Variants in UBE3D observed in about 807,000 individuals in gnomAD.
UBE3D encodes the protein ubiquitin protein ligase E3D.
A neutral mutation model predicts 49.6 loss-of-function variants in UBE3D; 48 were observed. That is an observed-to-expected ratio of 0.97 (90% CI 0.77 to 1.23). UBE3D has a LOEUF of 1.23. Among genes scored for constraint, UBE3D ranks in the 50% most tolerant of loss-of-function variants. UBE3D has a pLI of 0.00. For synonymous variants in UBE3D, 189 were observed against 174.2 expected (o/e 1.08, Z -0.67); for missense variants, 452 against 468.4 (o/e 0.96, Z 0.32).
intron 9 of UBE3D, among the ~76,000 whole-genome samples, chr6:82,923,741 A>G (rs973844651): frequency 4.6e-5 from 7 of 152,222 alleles, no homozygotes; most frequent in Non-Finnish European, 1.0e-4. Context: ...TAAAAGAGGA[A>G]CATCTGTTAC....
intron 9 of UBE3D, among the ~76,000 whole-genome samples, chr6:82,944,549 T>C (rs1163864040): frequency 6.6e-6 from 1 of 152,212 alleles, no homozygotes; most frequent in Admixed American, 6.5e-5. Flanking sequence ...GTGATGGCTA[T>C]GGTGAGAAAC....
At chr6:83,020,012 G>A (rs1423371336) in intron 7 of UBE3D, among the ~76,000 whole-genome samples, 1 of 152,180 alleles carries the variant, frequency 6.6e-6, no homozygotes, top group East Asian at 1.9e-4. Flanking sequence ...TCAGCAGCTG[G>A]GAATGGGTGC....
intron 8 of UBE3D, among the ~76,000 whole-genome samples, chr6:82,960,531 T>G (rs1562124961): frequency 6.6e-6 from 1 of 151,736 alleles, no homozygotes; most frequent in East Asian, 2.0e-4. Flanking sequence ...TTGTCCTGTT[T>G]CCTTTATAAG....
At chr6:82,938,419 G>A (rs1350470524) in intron 9 of UBE3D, 1 of 152,212 alleles carries the variant, frequency 6.6e-6, no homozygotes, top group East Asian at 1.9e-4. Flanking sequence ...ATCAGGAGAT[G>A]TGGGGATGCC....
intron 8 of UBE3D, among the ~76,000 whole-genome samples, chr6:83,016,464 T>C (rs1341118871): frequency 6.6e-6 from 1 of 152,088 alleles, no homozygotes; most frequent in Non-Finnish European, 1.5e-5. Flanking sequence ...GATGTAATCA[T>C]ATTAAACAGC....
At position 83,053,946 on chromosome 6, in the gene UBE3D, T is replaced by C. The variant is rs527357583; in HGVS notation, c.365+202A>G. 6.6e-5 allele frequency among the ~76,000 whole-genome samples: 10 copies of C among 152,316 alleles called. No homozygotes were observed. In the South Asian group the frequency reaches 2.1e-3, roughly 32 times the overall value. ...TCCTCTCTCAAAGCCAGCATCCTAG[T>C]GCTCCCCTTTATGTCCCTAAGAGCT... On this transcript the variant is annotated intron_variant, in intron 3 of 9. Transcript: ENST00000369747.
intron 2 of UBE3D, among the ~76,000 whole-genome samples, chr6:83,054,997 T>C (rs190456275): frequency 2.6e-5 from 4 of 152,038 alleles, no homozygotes; most frequent in African/African-American, 4.8e-5. Flanking sequence ...CAGTCTAGCA[T>C]ATAACCATAT....
intron 8 of UBE3D, among the ~76,000 whole-genome samples, chr6:83,008,023 C>A (rs948493942): frequency 4.6e-5 from 7 of 152,110 alleles, no homozygotes; most frequent in South Asian, 2.1e-4. Flanking sequence ...GGCCTAAATA[C>A]AATTTCAAGA....
chr6:82,960,643 C>T (rs1328588902), intron 8 of UBE3D, among the ~76,000 whole-genome samples: 1 of 151,520 alleles, frequency 6.6e-6, no homozygotes, highest in Non-Finnish European at 1.5e-5. Flanking sequence ...AAACAAATGC[C>T]TTACTAGTAT....
intron 1 of UBE3D, 72 bp downstream of exon 1, chr6:83,065,570 G>C (rs1784437449): frequency 2.1e-6 from 3 of 1,424,948 alleles, no homozygotes; most frequent in Non-Finnish European, 2.9e-6. Flanking sequence ...TACAGAGAGA[G>C]ACTCACCAGC....
At chr6:83,038,273 T>C (rs1193499546) in intron 5 of UBE3D, 143 bp downstream of exon 5, 1 of 633,222 alleles carries the variant, frequency 1.6e-6, no homozygotes, top group Non-Finnish European at 2.7e-6. Context: ...TTGGATGGTA[T>C]GTTACTTGGG....
chr6:82,892,991 GC>G lies in UBE3D; in HGVS notation c.*30del. On this transcript the variant is annotated 3_prime_UTR_variant, in exon 10 of 10. Transcript: ENST00000369747. ...GTGTGCTCCTGCTTGAGAGCTGTCT[GC>G]CGGGGGAGGAGAATGCCCAGCTCTA... 1 of 1,613,552 alleles carries G rather than the reference GC, an allele frequency of 6.2e-7. No homozygotes were observed.
At chr6:82,881,879 G>T in the UBE3D span, among the ~76,000 whole-genome samples, 5 of 152,122 alleles carry the variant, frequency 3.3e-5, no homozygotes, top group African/African-American at 1.2e-4. Context: ...TCTGTATAAT[G>T]TTCCCACAAA....
At chr6:82,991,371 T>C (rs549177717) in intron 8 of UBE3D, among the ~76,000 whole-genome samples, 14 of 152,260 alleles carry the variant, frequency 9.2e-5, no homozygotes, top group South Asian at 2.1e-4. Context: ...TGGTATTATG[T>C]TTAATCTGCC....
In UBE3D at chr6:83,022,551, C is replaced by A; in HGVS notation, c.748G>T (p.Val250Phe). The change falls in exon 7 of 10, where the codon GTC (valine) becomes TTC (phenylalanine). Residue 250 changes from valine to phenylalanine, a missense_variant. By Grantham distance (50) the Val-to-Phe change is conservative. Transcript: ENST00000369747. ...AGACACTGGGCGATCACGCTCTGGA[C>A]AAACCAAGACCTGTTTGAACAGAAA... is the stretch of plus-strand genomic sequence containing the variant. ...SFPIIPRSWF[V>F]QSVIAQCLVQ... is the part of the protein sequence containing the mutation. The A allele has an allele frequency of 4.4e-6, 7 of 1,587,074 alleles. No homozygotes were observed. Among genetic ancestry groups the A allele is most frequent in the Non-Finnish European group, 6.0e-6 (7 of 1,170,698 alleles).
chr6:83,064,206 T>C (rs1051162771), intron 1 of UBE3D, among the ~76,000 whole-genome samples: 17 of 152,158 alleles, frequency 1.1e-4, no homozygotes, highest in Non-Finnish European at 4.4e-5. Context: ...CCAGCAAAGT[T>C]AGGTTTCTTT....
intron 3 of UBE3D, among the ~76,000 whole-genome samples, chr6:83,051,946 C>T (rs143436708): frequency 3.5e-4 from 54 of 152,238 alleles, no homozygotes; most frequent in African/African-American, 1.2e-3. Flanking sequence ...AACATGTCAA[C>T]GTTTATTCAA....
At chr6:82,943,896 T>A (rs149667283) in intron 9 of UBE3D, among the ~76,000 whole-genome samples, 168 of 152,178 alleles carry the variant, frequency 1.1e-3, no homozygotes, top group African/African-American at 3.9e-3. Flanking sequence ...CAAGTGGAAC[T>A]CAGCCGATGC....
At chr6:82,986,588 G>A (rs1161802006) in intron 8 of UBE3D, among the ~76,000 whole-genome samples, 1 of 138,724 alleles carries the variant, frequency 7.2e-6, no homozygotes, top group African/African-American at 2.7e-5. Context: ...TAATTTCTGT[G>A]TTATTGTACA....
Sources: allele counts gnomAD v4.1 joint callset (sites outside exome capture counted in the v4.1 genomes callset), GRCh38; gene constraint gnomAD v4.1.1; transcripts MANE v1.5; gene names NCBI Gene and HGNC (gene_info 2026-07-23, HGNC 2026-07-21).